The following DDAH1 variants were observed in gnomAD, a reference collection of about 807,000 sequenced individuals.
The protein encoded by DDAH1 is dimethylarginine dimethylaminohydrolase 1.
DDAH1 carries 19 observed loss-of-function variants against 28.8 expected under a neutral mutation model. The ratio of observed to expected loss-of-function variants is 0.66; its 90% confidence interval spans 0.46 to 0.97. The LOEUF is 0.97. DDAH1 is among the 50% of genes least tolerant of loss of function. DDAH1 has a pLI of 0.00. For missense variants in DDAH1, 326 were observed against 375.9 expected, an observed-to-expected ratio of 0.87 and a Z score of 1.10; for synonymous variants, 153 against 154.4, an observed-to-expected ratio of 0.99 and a Z score of 0.07.
At chr1:85,411,095 G>A (rs1557597304) in intron 1 of DDAH1, among the ~76,000 whole-genome samples, 1 of 152,156 alleles carries the variant, frequency 6.6e-6, no homozygotes, top group Non-Finnish European at 1.5e-5. Flanking sequence ...GTCTTGGCGG[G>A]GATCCTGACC....
chr1:85,349,729 C>T (rs1570413911), intron 4 of DDAH1, among the ~76,000 whole-genome samples: 1 of 152,142 alleles, frequency 6.6e-6, no homozygotes, highest in South Asian at 2.1e-4. Context: ...CAGTCTTTAT[C>T]CTTATTGGGT....
chr1:85,539,168 CA>C (rs1483549841), intron 1 of DDAH1, among the ~76,000 whole-genome samples: 2 of 149,846 alleles, frequency 1.3e-5, no homozygotes, highest in African/African-American at 4.9e-5. Context: ...TTTTTTGAAA[CA>C]GAGTTTTGCT....
At chr1:85,414,606 C>T (rs1316906358) in intron 1 of DDAH1, among the ~76,000 whole-genome samples, 2 of 152,114 alleles carry the variant, frequency 1.3e-5, no homozygotes, top group Non-Finnish European at 2.9e-5. Flanking sequence ...GACAATTGAT[C>T]GATAGGTACA....
upstream of DDAH1, among the ~76,000 whole-genome samples, chr1:85,465,543 C>A (rs367821645): frequency 1.4e-3 from 211 of 152,270 alleles, 2 homozygotes; most frequent in African/African-American, 4.5e-3. Flanking sequence ...TTAAACCTTG[C>A]GTGCTTACAA....
chr1:85,559,500 G>GA lies in DDAH1; in HGVS notation c.-123+18483dup, dbSNP rs528012019. ...AGCAAGAAAATGTGATCCAAAAGAG[G>GA]AAAAAAATCGATCAATAGAAGCAAA... On this transcript the variant is annotated intron_variant, in intron 1 of 6. Coordinates refer to the DDAH1 transcript ENST00000426972. Among the ~76,000 whole-genome samples the GA allele has an allele frequency of 5.8e-3, 880 of 151,768 alleles. 7 individuals are homozygous for GA. The highest frequency in any genetic ancestry group is 0.02 in the African/African-American group (831 of 41,396).
intron 1 of DDAH1, among the ~76,000 whole-genome samples, chr1:85,402,771 C>T (rs372297274): frequency 5.9e-5 from 9 of 151,774 alleles, no homozygotes; most frequent in East Asian, 3.9e-4. Context: ...TAGCCAGACA[C>T]GGTGGTGGGC....
intron 1 of DDAH1, among the ~76,000 whole-genome samples, chr1:85,560,465 T>C (rs1375341348): frequency 6.6e-6 from 1 of 152,022 alleles, no homozygotes; most frequent in Non-Finnish European, 1.5e-5. Flanking sequence ...ATATTTACAA[T>C]GAAGTATGGC....
intron 1 of DDAH1, among the ~76,000 whole-genome samples, chr1:85,406,611 C>T (rs1652416537): frequency 1.3e-5 from 2 of 152,044 alleles, no homozygotes; most frequent in South Asian, 4.1e-4. Context: ...TTATGGCATG[C>T]AGCATTATGC....
chr1:85,322,261 T>C (rs1034335159), intron 5 of DDAH1, among the ~76,000 whole-genome samples: 1 of 152,146 alleles, frequency 6.6e-6, no homozygotes, highest in Non-Finnish European at 1.5e-5. Context: ...AACTATACTT[T>C]AGGTTTATTT....
intron 2 of DDAH1, among the ~76,000 whole-genome samples, chr1:85,488,651 A>G (rs1348097645): frequency 6.6e-6 from 1 of 152,174 alleles, no homozygotes; most frequent in Non-Finnish European, 1.5e-5. Context: ...ACAGTTGCAC[A>G]GTATACTACT....
At chr1:85,382,387 AGAAGTTTAAAGGTAGCAGAGGCTG>A (rs1240049998) in intron 1 of DDAH1, among the ~76,000 whole-genome samples, 3 of 152,206 alleles carry the variant, frequency 2.0e-5, no homozygotes, top group Non-Finnish European at 4.4e-5. Flanking sequence ...AGGAAGCTGC[AGAAGTTTAAAGGTAGCAGAGGCTG>A]GAAGTTTAAA....
chr1:85,429,725 T>C (rs1653579510), intron 1 of DDAH1, among the ~76,000 whole-genome samples: 1 of 152,242 alleles, frequency 6.6e-6, no homozygotes, highest in African/African-American at 2.4e-5. Flanking sequence ...TGTGAGATGG[T>C]ATCTCACTGT....
At position 85,366,991 on chromosome 1, in the gene DDAH1, C is replaced by T. The variant is rs190968461; in HGVS notation, c.304-8144G>A. Among the ~76,000 whole-genome samples the T allele has an allele frequency of 9.2e-5, 14 of 152,240 alleles. No homozygotes were observed. In the East Asian group the frequency reaches 2.3e-3, roughly 25 times the overall value. On this transcript the variant is annotated intron_variant, in intron 1 of 5. Transcript: ENST00000284031. ...ACGTCAGGCTCTGCTTATTTGCCAA[C>T]CTTTGTGTGTTTTCTTATTTATATT...
At chr1:85,325,495 C>T (rs1022724180) in intron 4 of DDAH1, among the ~76,000 whole-genome samples, 5 of 151,958 alleles carry the variant, frequency 3.3e-5, no homozygotes, top group African/African-American at 1.2e-4. Context: ...ATTCCCAGGC[C>T]TCACCCTTAG....
chr1:85,452,854 C>T (rs1282068039), intron 1 of DDAH1, among the ~76,000 whole-genome samples: 1 of 152,210 alleles, frequency 6.6e-6, no homozygotes, highest in Non-Finnish European at 1.5e-5. Flanking sequence ...ACAACAAAAA[C>T]TTTCTCCTGG....
At chr1:85,405,263 C>T (rs1198675203) in intron 1 of DDAH1, among the ~76,000 whole-genome samples, 1 of 151,930 alleles carries the variant, frequency 6.6e-6, no homozygotes, top group African/African-American at 2.4e-5. Context: ...CAAATATTAC[C>T]GAAAAGAAAT....
intron 1 of DDAH1, chr1:85,404,330 G>A: frequency 1.3e-6 from 2 of 1,520,830 alleles, no homozygotes; most frequent in Non-Finnish European, 1.8e-6. Context: ...AGTTGACAAA[G>A]CCTGAAAGAC....
intron 1 of DDAH1, among the ~76,000 whole-genome samples, chr1:85,456,622 G>A (rs921608658): frequency 6.6e-6 from 1 of 152,230 alleles, no homozygotes; most frequent in Admixed American, 6.5e-5. Context: ...AGTGTAGCGT[G>A]AGCTACAACG....
intron 4 of DDAH1, among the ~76,000 whole-genome samples, chr1:85,332,490 C>A (rs1647837028): frequency 6.6e-6 from 1 of 152,206 alleles, no homozygotes; most frequent in South Asian, 2.1e-4. Context: ...CCACCATTGT[C>A]ATAGCCACCT....
Sources: gnomAD v4.1 joint callset for allele counts (sites outside exome capture counted in the v4.1 genomes callset) on GRCh38, gnomAD v4.1.1 for gene constraint, MANE v1.5 for transcripts, NCBI Gene and HGNC (gene_info 2026-07-23, HGNC 2026-07-21) for gene names.